NELL1: variants seen among roughly 807,000 people sequenced by gnomAD.
The protein encoded by NELL1 is protein kinase C-binding protein NELL1.
In NELL1, 76 loss-of-function variants were observed where a neutral mutation model predicts 107.4. The observed-to-expected ratio is 0.71, with a 90% confidence interval of 0.59 to 0.86. The LOEUF (loss-of-function observed/expected upper bound fraction) is 0.86. NELL1 is among the 40% of genes least tolerant of loss of function. NELL1 has a pLI of 0.00. For synonymous variants in NELL1, 353 were observed against 341.2 expected, an observed-to-expected ratio of 1.03 and a Z score of -0.38; for missense variants, 1,024 against 1,005.5, an observed-to-expected ratio of 1.02 and a Z score of -0.25.
rs538466776 is a variant in NELL1 at position 21,065,193 on chromosome 11, G to A, written c.1301-48396G>A. Among the ~76,000 whole-genome samples, 8 of 152,026 alleles carry A rather than the reference G, an allele frequency of 5.3e-5. No individual in the cohort carries two copies. The South Asian group carries it at 1.0e-3, about 20-fold the overall frequency. On this transcript the variant is annotated intron_variant, in intron 12 of 19. Coordinates refer to ENST00000357134, the MANE Select transcript of NELL1 (RefSeq NM_006157.5). ...TGGATTAAATGACTCTGGATACCCC[G>A]AGAACAGTTAGAAAGCTGTGTTGTC...
At chr11:20,861,458 G>A (rs1211424516) in intron 4 of NELL1, among the ~76,000 whole-genome samples, 1 of 152,130 alleles carries the variant, frequency 6.6e-6, no homozygotes, top group Non-Finnish European at 1.5e-5. Flanking sequence ...CAAGCCTCTA[G>A]CCTCCTGCTT....
intron 2 of NELL1, among the ~76,000 whole-genome samples, chr11:20,718,463 T>TG (rs1564877854): frequency 3.3e-4 from 2 of 6,144 alleles, no homozygotes; most frequent in African/African-American, 6.2e-4. Context: ...TATTTATTCA[T>TG]TTTTTTTTTT....
At chr11:21,165,522 A>T (rs945512352) in intron 13 of NELL1, among the ~76,000 whole-genome samples, 20 of 152,140 alleles carry the variant, frequency 1.3e-4, no homozygotes, top group Admixed American at 1.2e-3. Context: ...AGGTTCCTCA[A>T]AAAAACTAAA....
At chr11:21,359,747 A>G (rs1254369556) in intron 14 of NELL1, among the ~76,000 whole-genome samples, 1 of 152,092 alleles carries the variant, frequency 6.6e-6, no homozygotes, top group East Asian at 1.9e-4. Context: ...GAACTTATCC[A>G]TCTCCTCTAG....
chr11:21,238,214 A>C (rs945511448), intron 14 of NELL1, among the ~76,000 whole-genome samples: 1 of 152,092 alleles, frequency 6.6e-6, no homozygotes, highest in African/African-American at 2.4e-5. Context: ...ATTTGTCATC[A>C]ACACATCAAC....
At chr11:20,887,305 T>G (rs1849529817) in intron 5 of NELL1, among the ~76,000 whole-genome samples, 1 of 152,256 alleles carries the variant, frequency 6.6e-6, no homozygotes, top group Non-Finnish European at 1.5e-5. Flanking sequence ...CTATAAACAT[T>G]TGCATACAGG....
intron 13 of NELL1, among the ~76,000 whole-genome samples, chr11:21,196,263 C>G (rs1243848017): frequency 6.6e-6 from 1 of 152,158 alleles, no homozygotes; most frequent in East Asian, 1.9e-4. Context: ...GCAATTCTTA[C>G]AGAGGTTGAC....
intron 2 of NELL1, among the ~76,000 whole-genome samples, chr11:20,702,752 C>A (rs1176552683): frequency 1.3e-5 from 2 of 152,168 alleles, no homozygotes; most frequent in African/African-American, 4.8e-5. Context: ...GCCTTTTCTG[C>A]ATCTATTGAG....
intron 15 of NELL1, among the ~76,000 whole-genome samples, chr11:21,483,742 T>G (rs1039887879): frequency 2.3e-4 from 34 of 151,016 alleles, no homozygotes; most frequent in African/African-American, 8.0e-4. Flanking sequence ...CAAATAGAAG[T>G]AAACAAGTAT....
chr11:20,722,264 A>G (rs1316912062), intron 2 of NELL1, among the ~76,000 whole-genome samples: 1 of 151,968 alleles, frequency 6.6e-6, no homozygotes, highest in Non-Finnish European at 1.5e-5. Context: ...CAAGTGATCT[A>G]CTTGCCTCAG....
At chr11:21,460,326 G>A (rs1853868920) in intron 15 of NELL1, among the ~76,000 whole-genome samples, 1 of 152,064 alleles carries the variant, frequency 6.6e-6, no homozygotes, top group Non-Finnish European at 1.5e-5. Flanking sequence ...AAGGTGCCCT[G>A]GGACAGAGCT....
intron 4 of NELL1, among the ~76,000 whole-genome samples, chr11:20,867,842 G>T (rs182857472): frequency 6.6e-6 from 1 of 152,194 alleles, no homozygotes; most frequent in Admixed American, 6.5e-5. Flanking sequence ...AATATTCGTT[G>T]GTTGCTTGGC....
Position 21,395,431 on chromosome 11 carries a change from A to G in NELL1, c.1645+24483A>G, listed in dbSNP as rs557448252. 7.9e-5 allele frequency among the ~76,000 whole-genome samples: 12 copies of G among 151,752 alleles called. No homozygotes were observed. The East Asian group carries it at 2.4e-3, about 30-fold the overall frequency. ...ATTATGAAATGATTTTAGAGAACTC[A>G]TAACAAGTTTCTTCTAACTTTTACA... On this transcript the variant is annotated intron_variant, in intron 15 of 19. Coordinates refer to ENST00000357134, the MANE Select transcript of NELL1 (RefSeq NM_006157.5).
intron 14 of NELL1, among the ~76,000 whole-genome samples, chr11:21,301,364 G>A (rs1012895895): frequency 3.3e-5 from 5 of 152,146 alleles, no homozygotes. Flanking sequence ...CCCACCAACA[G>A]TGTAAAAGCA....
intron 12 of NELL1, among the ~76,000 whole-genome samples, chr11:21,090,569 A>C (rs1404275887): frequency 1.3e-5 from 2 of 152,202 alleles, no homozygotes; most frequent in African/African-American, 4.8e-5. Context: ...GCTCATGGAA[A>C]GACCTGGTAT....
intron 15 of NELL1, among the ~76,000 whole-genome samples, chr11:21,421,914 C>T (rs1038581757): frequency 6.6e-6 from 1 of 152,152 alleles, no homozygotes; most frequent in Non-Finnish European, 1.5e-5. Context: ...TGACTCATCA[C>T]ATGTGAGGAA....
At chr11:21,259,766 C>CTT (rs34727606) in intron 14 of NELL1, among the ~76,000 whole-genome samples, 1 of 151,808 alleles carries the variant, frequency 6.6e-6, no homozygotes, top group African/African-American at 2.4e-5. Context: ...TCAAAAATGA[C>CTT]TTTTTTTCAA....
intron 12 of NELL1, among the ~76,000 whole-genome samples, chr11:20,999,648 C>G (rs1852171674): frequency 6.6e-6 from 1 of 151,598 alleles, no homozygotes; most frequent in African/African-American, 2.4e-5. Flanking sequence ...AAATTAGTAG[C>G]CTATCCCCTC....
intron 13 of NELL1, among the ~76,000 whole-genome samples, chr11:21,149,317 G>T (rs1207489353): frequency 2.6e-5 from 4 of 152,198 alleles, no homozygotes; most frequent in Non-Finnish European, 5.9e-5. Flanking sequence ...TGCTAATAAA[G>T]ACATACCCAA....
Sources: gnomAD v4.1 joint callset for allele counts (sites outside exome capture counted in the v4.1 genomes callset) on GRCh38, gnomAD v4.1.1 for gene constraint, MANE v1.5 for transcripts, NCBI Gene and HGNC (gene_info 2026-07-23, HGNC 2026-07-21) for gene names.